The following ALCAM variants were observed in gnomAD, a reference collection of about 807,000 sequenced individuals.
The protein encoded by ALCAM is activated leukocyte cell adhesion molecule.
ALCAM carries 30 observed loss-of-function variants against 70.9 expected under a neutral mutation model. The observed-to-expected ratio is 0.42, with a 90% CI of 0.32 to 0.57. ALCAM has a LOEUF of 0.57. Among genes scored for constraint, ALCAM ranks in the 20% least tolerant of loss-of-function variants. ALCAM has a pLI of 0.11. For synonymous variants in ALCAM, 249 were observed against 242.5 expected, an observed-to-expected ratio of 1.03 and a Z score of -0.25; for missense variants, 591 against 695.1, an observed-to-expected ratio of 0.85 and a Z score of 1.68.
At chr3:105,423,232 C>T (rs1203732315) in intron 1 of ALCAM, among the ~76,000 whole-genome samples, 1 of 151,022 alleles carries the variant, frequency 6.6e-6, no homozygotes, top group Non-Finnish European at 1.5e-5. Flanking sequence ...TTTGAGAAAT[C>T]CTCTCCCTCC....
At chr3:105,551,537 A>G (rs1223402390) in intron 12 of ALCAM, among the ~76,000 whole-genome samples, 1 of 151,688 alleles carries the variant, frequency 6.6e-6, no homozygotes, top group Non-Finnish European at 1.5e-5. Context: ...TTATTTATAG[A>G]GTTTAATATT....
chr3:105,474,974 C>T (rs1938061614), intron 1 of ALCAM, among the ~76,000 whole-genome samples: 2 of 151,584 alleles, frequency 1.3e-5, no homozygotes, highest in African/African-American at 4.8e-5. Context: ...CCTGTAGCAG[C>T]TCAATTTGAG....
intron 1 of ALCAM, among the ~76,000 whole-genome samples, chr3:105,399,651 A>G (rs538925496): frequency 3.9e-5 from 6 of 152,286 alleles, no homozygotes; most frequent in African/African-American, 1.4e-4. Context: ...CTAATTTCAT[A>G]ATCTCTTAAT....
intron 1 of ALCAM, among the ~76,000 whole-genome samples, chr3:105,401,648 T>C (rs569475051): frequency 1.3e-5 from 2 of 152,264 alleles, no homozygotes; most frequent in African/African-American, 4.8e-5. Context: ...TTTTAAATCA[T>C]TCTGACTCTT....
chr3:105,452,333 C>T (rs1937449415), intron 1 of ALCAM, among the ~76,000 whole-genome samples: 1 of 152,112 alleles, frequency 6.6e-6, no homozygotes, highest in African/African-American at 2.4e-5. Context: ...ATTTGGTTTT[C>T]TGTTCCTGTG....
chr3:105,547,160 G>T lies in ALCAM; in HGVS notation c.1116G>T (p.Arg372Ser). The change falls in exon 10 of 16, where the codon AGG (arginine) becomes AGT (serine). Residue 372 changes from arginine to serine, a missense_variant. By Grantham distance (110) the Arg-to-Ser change is moderately radical (BLOSUM62 -1). Around this residue, in one of 2 missense-constraint regions of ALCAM, gnomAD observed 427 missense variants for 450.4 expected, o/e 0.95. Coordinates refer to ENST00000306107, the MANE Select transcript of ALCAM (RefSeq NM_001627.4). Reference protein sequence around the residue: ...ATVVWMKDNIRLRSSPSFSSL... With the variant: ...ATVVWMKDNISLRSSPSFSSL... ...TTTTATTTAATCAGGATAACATCAGGCTTCGATCTAGCCCGTCATTTTCTA... is the reference window on the plus strand; with the variant it reads ...TTTTATTTAATCAGGATAACATCAGTCTTCGATCTAGCCCGTCATTTTCTA... 3.1e-6 allele frequency: 5 copies of T among 1,590,486 alleles called. No individual in the cohort carries two copies. Among genetic ancestry groups the T allele is most frequent in the Non-Finnish European group, 4.3e-6 (5 of 1,171,248 alleles).
At chr3:105,422,213 T>C (rs781200701) in intron 1 of ALCAM, among the ~76,000 whole-genome samples, 4 of 151,462 alleles carry the variant, frequency 2.6e-5, no homozygotes, top group Non-Finnish European at 5.9e-5. Flanking sequence ...AGTATATATA[T>C]ACCACATTTC....
At chr3:105,414,972 T>C (rs547298617) in intron 1 of ALCAM, among the ~76,000 whole-genome samples, 5 of 152,204 alleles carry the variant, frequency 3.3e-5, no homozygotes, top group African/African-American at 9.6e-5. Context: ...AAAGCAGATA[T>C]CGTCTGACCT....
chr3:105,433,026 C>T (rs982788258), intron 1 of ALCAM, among the ~76,000 whole-genome samples: 9 of 151,992 alleles, frequency 5.9e-5, no homozygotes, highest in Non-Finnish European at 7.4e-5. Context: ...AAGAAGTGGC[C>T]ATATAGGAAA....
chr3:105,526,971 A>G (rs1051971633), intron 3 of ALCAM, among the ~76,000 whole-genome samples: 1 of 152,156 alleles, frequency 6.6e-6, no homozygotes, highest in Non-Finnish European at 1.5e-5. Flanking sequence ...AGCTAAGTCA[A>G]ATTGTTTTTA....
Position 105,436,069 on chromosome 3 carries a change from G to A in ALCAM, c.73+68588G>A, listed in dbSNP as rs185419246. On this transcript the variant is annotated intron_variant, in intron 1 of 15. Coordinates refer to ENST00000306107, the MANE Select transcript of ALCAM (RefSeq NM_001627.4). ...GAAACTCCCGTTTTTAAAACCATCA[G>A]ATCTCATGAGACCCATTCACTGTCA... Among the ~76,000 whole-genome samples the A allele has an allele frequency of 3.8e-3, 578 of 152,246 alleles. 6 individuals carry two copies. Among genetic ancestry groups the A allele is most frequent in the Admixed American group, 4.4e-3 (68 of 15,294 alleles).
intron 12 of ALCAM, among the ~76,000 whole-genome samples, chr3:105,551,007 G>A (rs1338014630): frequency 1.3e-5 from 2 of 151,498 alleles, no homozygotes; most frequent in African/African-American, 4.8e-5. Flanking sequence ...CCTAGAATGA[G>A]GCTCAGTTCT....
intron 3 of ALCAM, among the ~76,000 whole-genome samples, chr3:105,526,751 C>G (rs1173726896): frequency 6.6e-6 from 1 of 152,136 alleles, no homozygotes; most frequent in African/African-American, 2.4e-5. Flanking sequence ...CTTTGGGTCA[C>G]TTTCTGTGAA....
intron 1 of ALCAM, among the ~76,000 whole-genome samples, chr3:105,512,777 A>G (rs1268189290): frequency 6.6e-6 from 1 of 151,848 alleles, no homozygotes; most frequent in Non-Finnish European, 1.5e-5. Flanking sequence ...TTTTTATTGT[A>G]TTGACTAATT....
At chr3:105,392,515 T>TA (rs200501288) in intron 1 of ALCAM, among the ~76,000 whole-genome samples, 4 of 151,128 alleles carry the variant, frequency 2.6e-5, no homozygotes, top group Admixed American at 1.3e-4. Context: ...AATTATTATT[T>TA]AAAAAAAATA....
At chr3:105,498,437 A>T (rs1326589211) in intron 1 of ALCAM, among the ~76,000 whole-genome samples, 3 of 152,160 alleles carry the variant, frequency 2.0e-5, no homozygotes, top group Non-Finnish European at 4.4e-5. Context: ...GAGAAGAATA[A>T]TGACATTTGT....
intron 14 of ALCAM, among the ~76,000 whole-genome samples, chr3:105,568,273 T>G (rs1320394327): frequency 6.6e-6 from 1 of 151,798 alleles, no homozygotes; most frequent in Non-Finnish European, 1.5e-5. Context: ...ACAAAAAACT[T>G]TTAGTAGGGG....
chr3:105,493,569 C>T (rs1038622641), intron 1 of ALCAM, among the ~76,000 whole-genome samples: 3 of 151,648 alleles, frequency 2.0e-5, no homozygotes, highest in South Asian at 2.1e-4. Context: ...GTGAGGAAGA[C>T]GTAGATACAG....
chr3:105,513,084 C>T (rs146808944), intron 1 of ALCAM, among the ~76,000 whole-genome samples: 2 of 146,172 alleles, frequency 1.4e-5, no homozygotes, highest in African/African-American at 2.5e-5. Context: ...CCTATCCCCC[C>T]CAAAGCACCC....
Sources: gnomAD v4.1 joint callset for allele counts (sites outside exome capture counted in the v4.1 genomes callset) on GRCh38, gnomAD v4.1.1 for gene constraint, gnomAD v4.1.1 regional missense constraint, MANE v1.5 for transcripts, NCBI Gene and HGNC (gene_info 2026-07-23, HGNC 2026-07-21) for gene names.